Variants in MTFR1 observed in about 807,000 individuals in gnomAD.
MTFR1 encodes chondrocyte protein with a poly-proline region.
Under a neutral mutation model 38.8 loss-of-function variants are expected in MTFR1, and 28 were observed. The ratio of observed to expected loss-of-function variants is 0.72; its 90% confidence interval spans 0.53 to 0.99. MTFR1 has a LOEUF of 0.99. MTFR1 is among the 50% of genes least tolerant of loss of function. The probability of loss-of-function intolerance (pLI) is 0.00; values close to 1 mark genes in which losing one functional copy is unlikely to be tolerated. For synonymous variants in MTFR1, 145 were observed against 137.0 expected (o/e 1.06, Z -0.41); for missense variants, 358 against 395.5 (o/e 0.91, Z 0.81).
chr8:65,682,363 C>A lies in MTFR1; in HGVS notation c.77C>A (p.Ser26Tyr). 1 of 1,560,592 alleles carries A rather than the reference C, an allele frequency of 6.4e-7. No homozygotes were observed. The highest frequency in any genetic ancestry group is 8.7e-7 in the Non-Finnish European group (1 of 1,152,582). ...TTCCTACTTCCTCAGGTACTTTGGTCTAGGAAGCCATATGGTTCGTCTCGA... is the reference window on the plus strand; with the variant it reads ...TTCCTACTTCCTCAGGTACTTTGGTATAGGAAGCCATATGGTTCGTCTCGA... ...VGVSMQSVLW[S>Y]RKPYGSSRSI... The change falls in exon 3 of 8, where the codon TCT becomes TAT. Residue 26 changes from serine (S) to tyrosine (Y), a missense_variant. Ser to Tyr is a moderately radical substitution (Grantham distance 144). Transcript: ENST00000262146.
chr8:65,739,153 T>A (rs1349136416), intron 3 of MTFR1, among the ~76,000 whole-genome samples: 5 of 152,252 alleles, frequency 3.3e-5, no homozygotes. Flanking sequence ...GTTTTTAATG[T>A]AAATCTATTA....
chr8:65,739,647 A>C, intron 3 of MTFR1: 2 of 1,399,078 alleles, frequency 1.4e-6, no homozygotes, highest in Non-Finnish European at 1.9e-6. Flanking sequence ...AAGTCAACAC[A>C]ATTATATTAT....
intron 3 of MTFR1, chr8:65,724,479 T>G (rs1177730293): frequency 4.7e-5 from 29 of 610,868 alleles, no homozygotes; most frequent in Non-Finnish European, 6.7e-5. Flanking sequence ...ATTCTCCTAT[T>G]TTTAGATGTA....
At chr8:65,734,688 A>G in intron 3 of MTFR1, 1 of 681,124 alleles carries the variant, frequency 1.5e-6, no homozygotes, top group Admixed American at 2.1e-5. Context: ...TTGTGAAGGA[A>G]GTCTGTGATT....
downstream of MTFR1, chr8:65,710,671 T>TTAAAA (rs1805918525): frequency 6.6e-6 from 1 of 152,172 alleles, no homozygotes. Flanking sequence ...ATTATATTCC[T>TTAAAA]TAAAATAAGC....
chr8:65,766,070 C>G (rs1052190187), intron 3 of MTFR1, among the ~76,000 whole-genome samples: 3 of 152,146 alleles, frequency 2.0e-5, no homozygotes, highest in Admixed American at 2.0e-4. Flanking sequence ...CTCAGCCTCC[C>G]GAGCAGCTGG....
intron 3 of MTFR1, chr8:65,723,532 T>A: frequency 6.5e-7 from 1 of 1,548,864 alleles, no homozygotes; most frequent in East Asian, 2.4e-5. Flanking sequence ...TCTAAATATG[T>A]ATAGTTACCA....
At chr8:65,675,681 C>T (rs948514361) in intron 2 of MTFR1, among the ~76,000 whole-genome samples, 1 of 152,128 alleles carries the variant, frequency 6.6e-6, no homozygotes, top group African/African-American at 2.4e-5. Flanking sequence ...GATAATATCT[C>T]CATTTTATAG....
At position 65,690,277 on chromosome 8, in the gene MTFR1, A is replaced by G. The variant is rs551796340; in HGVS notation, c.166-3367A>G. 4.6e-5 allele frequency among the ~76,000 whole-genome samples: 7 copies of G among 152,214 alleles called. No individual in the cohort carries two copies. The East Asian group carries it at 1.4e-3, about 29-fold the overall frequency. On this transcript the variant is annotated intron_variant, in intron 3 of 7. Coordinates refer to ENST00000262146, the MANE Select transcript of MTFR1 (RefSeq NM_014637.4). ...TGGCTGGGCGTGGTGGTGCATACCT[A>G]TAATCCCAGCACTTTGGGAGGCTGA...
intron 3 of MTFR1, among the ~76,000 whole-genome samples, chr8:65,762,496 A>G (rs191406323): frequency 1.3e-5 from 2 of 152,258 alleles, no homozygotes; most frequent in Non-Finnish European, 2.9e-5. Context: ...TTGAATCCCA[A>G]TTCTGCCACT....
At chr8:65,765,822 AT>A (rs1193198566) in intron 3 of MTFR1, 1 of 152,258 alleles carries the variant, frequency 6.6e-6, no homozygotes, top group Non-Finnish European at 1.5e-5. Context: ...GGCATGCATA[AT>A]GGGATTATAA....
chr8:65,710,975 T>G (rs1029142593), downstream of MTFR1, among the ~76,000 whole-genome samples: 4 of 140,148 alleles, frequency 2.9e-5, no homozygotes, highest in African/African-American at 1.2e-4. Context: ...ATTGAGGGAC[T>G]CTCATATATA....
intron 2 of MTFR1, among the ~76,000 whole-genome samples, chr8:65,678,796 A>T (rs1385053554): frequency 6.6e-6 from 1 of 151,934 alleles, no homozygotes; most frequent in African/African-American, 2.4e-5. Context: ...AGCTAGATAG[A>T]ATTGCTGTAA....
At chr8:65,727,020 A>T in intron 3 of MTFR1, 2 of 1,065,436 alleles carry the variant, frequency 1.9e-6, no homozygotes, top group Non-Finnish European at 2.9e-6. Flanking sequence ...TTCTGGACAT[A>T]TCATTACTAA....
intron 4 of MTFR1, among the ~76,000 whole-genome samples, chr8:65,699,909 T>C (rs1380311822): frequency 6.6e-6 from 1 of 152,198 alleles, no homozygotes; most frequent in Admixed American, 6.5e-5. Context: ...TTCCTTGAAA[T>C]TTATGTTGAT....
intron 1 of MTFR1, among the ~76,000 whole-genome samples, chr8:65,669,334 G>T (rs1261530007): frequency 6.6e-6 from 1 of 152,154 alleles, no homozygotes; most frequent in African/African-American, 2.4e-5. Flanking sequence ...GTCCTTGGTT[G>T]TGTAGCCTAT....
At chr8:65,719,418 G>C (rs1806283808) in exon 3 of MTFR1, 1 of 1,614,008 alleles carries the variant, frequency 6.2e-7, no homozygotes, top group Non-Finnish European at 8.5e-7. Context: ...ACGTGTCCAA[G>C]CATTGTCTGG....
chr8:65,674,319 TA>T (rs1010513932), intron 2 of MTFR1, among the ~76,000 whole-genome samples: 6 of 150,644 alleles, frequency 4.0e-5, no homozygotes, highest in African/African-American at 1.2e-4. Flanking sequence ...TTTTTTTTTT[TA>T]AAGAAAAAAA....
At chr8:65,755,569 T>A (rs1877641) in intron 3 of MTFR1, among the ~76,000 whole-genome samples, 1 of 152,112 alleles carries the variant, frequency 6.6e-6, no homozygotes, top group Non-Finnish European at 1.5e-5. Flanking sequence ...ACAAGTTACA[T>A]CTTTATATGT....
Sources: allele counts gnomAD v4.1 joint callset (sites outside exome capture counted in the v4.1 genomes callset), GRCh38; gene constraint gnomAD v4.1.1; transcripts MANE v1.5; gene names NCBI Gene and HGNC (gene_info 2026-07-23, HGNC 2026-07-21).